Variants in NLN observed in about 807,000 individuals in gnomAD.
NLN encodes neurolysin, also known as neurolysin, mitochondrial.
In NLN, 64 loss-of-function variants were observed where a neutral mutation model predicts 79.9. The observed-to-expected ratio is 0.80, with a 90% CI of 0.65 to 0.99. The LOEUF (loss-of-function observed/expected upper bound fraction) is 0.99. NLN is among the 50% of genes least tolerant of loss of function. The pLI is 0.00. For synonymous variants in NLN, 267 were observed against 296.6 expected, an observed-to-expected ratio of 0.90 and a Z score of 1.02; for missense variants, 835 against 858.7, an observed-to-expected ratio of 0.97 and a Z score of 0.34.
chr5:65,755,193 A>G (rs943518580), intron 1 of NLN, among the ~76,000 whole-genome samples: 2 of 152,196 alleles, frequency 1.3e-5, no homozygotes, highest in African/African-American at 2.4e-5. Flanking sequence ...TAATAATGTA[A>G]TTGAAAAAAA....
intron 9 of NLN, among the ~76,000 whole-genome samples, chr5:65,803,516 G>T (rs1760339377): frequency 6.6e-6 from 1 of 152,176 alleles, no homozygotes; most frequent in Admixed American, 6.5e-5. Context: ...ATGGGTTGGG[G>T]GAGCTTCCGG....
chr5:65,772,271 A>G (rs1342695280), intron 3 of NLN, among the ~76,000 whole-genome samples: 1 of 152,072 alleles, frequency 6.6e-6, no homozygotes, highest in Non-Finnish European at 1.5e-5. Context: ...CCTTCATGTG[A>G]CTTAAAGCTC....
chr5:65,815,664 G>A (rs538712464), intron 12 of NLN, among the ~76,000 whole-genome samples: 2 of 152,078 alleles, frequency 1.3e-5, no homozygotes, highest in East Asian at 3.9e-4. Flanking sequence ...GAATCCCTTG[G>A]CCCCTCACCC....
chr5:65,797,433 A>G (rs1221215248), intron 9 of NLN, among the ~76,000 whole-genome samples: 1 of 152,250 alleles, frequency 6.6e-6, no homozygotes, highest in African/African-American at 2.4e-5. Context: ...TTTGGATTAG[A>G]TTCTGCTGTA....
At position 65,746,292 on chromosome 5, in the gene NLN, G is replaced by C. The variant is rs1758977671; in HGVS notation, c.42-12275G>C. 2.0e-5 allele frequency among the ~76,000 whole-genome samples: 3 copies of C among 152,264 alleles called. No homozygotes were observed. The South Asian group carries it at 6.2e-4, about 32-fold the overall frequency. ...AACAGCCAGAGACATCAAATGAAAA[G>C]AGGAATCATTATCACAAAAGCCCAA... On this transcript the variant is annotated intron_variant, in intron 1 of 12. Transcript: ENST00000380985.
intron 3 of NLN, among the ~76,000 whole-genome samples, chr5:65,770,473 C>T (rs937905108): frequency 6.6e-5 from 10 of 152,140 alleles, no homozygotes; most frequent in Middle Eastern, 3.2e-3. Context: ...TAATAAGTTA[C>T]CATTCTTCAC....
At chr5:65,759,134 T>G (rs1028956224) in intron 2 of NLN, among the ~76,000 whole-genome samples, 7 of 152,128 alleles carry the variant, frequency 4.6e-5, no homozygotes, top group Non-Finnish European at 8.8e-5. Flanking sequence ...ATATGGAAAA[T>G]TCATGTATCA....
intron 8 of NLN, among the ~76,000 whole-genome samples, chr5:65,791,465 G>A (rs1353940519): frequency 1.3e-5 from 2 of 152,184 alleles, no homozygotes; most frequent in South Asian, 2.1e-4. Context: ...GGCTGAGGCA[G>A]GAGAATCATT....
At chr5:65,749,901 G>C (rs1158180632) in intron 1 of NLN, among the ~76,000 whole-genome samples, 1 of 152,170 alleles carries the variant, frequency 6.6e-6, no homozygotes, top group Non-Finnish European at 1.5e-5. Flanking sequence ...CTGCCACACT[G>C]TGCTCTTGAA....
chr5:65,755,582 T>A (rs941665815), intron 1 of NLN, among the ~76,000 whole-genome samples: 73 of 152,250 alleles, frequency 4.8e-4, no homozygotes, highest in Non-Finnish European at 1.8e-4. Context: ...GAAATAAGTT[T>A]TTAAATGTTG....
intron 9 of NLN, among the ~76,000 whole-genome samples, chr5:65,797,524 G>A (rs758750011): frequency 2.2e-4 from 33 of 152,222 alleles, no homozygotes; most frequent in Non-Finnish European, 2.8e-4. Flanking sequence ...TTGTGTATCT[G>A]TGGACCTGGC....
chr5:65,788,004 T>C, intron 7 of NLN, 114 bp from the exon 8 acceptor site: 2 of 1,001,430 alleles, frequency 2.0e-6, no homozygotes, highest in Non-Finnish European at 3.0e-6. Flanking sequence ...CCGCCTTATT[T>C]ATCTGTATTG....
chr5:65,726,221 C>T (rs1244776658), intron 1 of NLN, among the ~76,000 whole-genome samples: 1 of 152,154 alleles, frequency 6.6e-6, no homozygotes, highest in Non-Finnish European at 1.5e-5. Flanking sequence ...TCAGGACAAC[C>T]CTTATACTCA....
intron 3 of NLN, among the ~76,000 whole-genome samples, chr5:65,763,905 A>C (rs978164901): frequency 4.6e-5 from 7 of 152,162 alleles, no homozygotes; most frequent in Non-Finnish European, 1.0e-4. Context: ...TTTTCATCCT[A>C]TAATTGATAA....
In NLN at chr5:65,828,567, A is replaced by G. The variant is rs1350363195; in HGVS notation, c.*5652A>G. ...TTGCTTCAGAAACCAAATGGAAACA[A>G]TTAAATTCCATTAGAGAAACGGTTG... On this transcript the variant is annotated 3_prime_UTR_variant, in exon 13 of 13. Coordinates refer to ENST00000380985, the MANE Select transcript of NLN (RefSeq NM_020726.5). 2.0e-5 allele frequency: 3 copies of G among 152,248 alleles called. No individual in the cohort carries two copies. Among genetic ancestry groups the G allele is most frequent in the Non-Finnish European group, 4.4e-5 (3 of 68,050 alleles). The allele number at this position is 152,248 out of a possible 1,614,324, so 9.4% of individuals were successfully genotyped here. A position where few individuals can be genotyped will look rare whatever the true frequency, so the allele number is the denominator to read the frequency against.
intron 3 of NLN, among the ~76,000 whole-genome samples, chr5:65,773,485 T>C (rs2150753300): frequency 1.3e-5 from 2 of 152,334 alleles, no homozygotes; most frequent in Middle Eastern, 3.4e-3. Context: ...TTAATCTCCA[T>C]AGTTCTTTTA....
At chr5:65,736,458 A>G (rs1758730018) in intron 1 of NLN, among the ~76,000 whole-genome samples, 1 of 152,238 alleles carries the variant, frequency 6.6e-6, no homozygotes, top group Admixed American at 6.5e-5. Context: ...TGTAGGATGT[A>G]CATTCTCAAC....
Position 65,823,120 on chromosome 5 carries a change from TA to T in NLN, c.*206del. 1 of 452,136 alleles carries T rather than the reference TA, an allele frequency of 2.2e-6. No individual in the cohort carries two copies. Among genetic ancestry groups the T allele is most frequent in the East Asian group, 3.6e-5 (1 of 27,996 alleles). 28.0% of individuals were successfully genotyped at this position (452,136 alleles called of 1,614,324 possible). On this transcript the variant is annotated 3_prime_UTR_variant, in exon 13 of 13. Coordinates refer to ENST00000380985, the MANE Select transcript of NLN (RefSeq NM_020726.5). ...GAAAAGACCCACTAGAAAGTAATTG[TA>T]CTATAAAATTTCATAAAACTGGATT...
At chr5:65,772,876 A>G (rs570388449) in intron 3 of NLN, among the ~76,000 whole-genome samples, 1 of 148,418 alleles carries the variant, frequency 6.7e-6, no homozygotes, top group South Asian at 2.1e-4. Context: ...GACTACAGGC[A>G]CACGCCACCA....
Sources: allele counts gnomAD v4.1 joint callset (sites outside exome capture counted in the v4.1 genomes callset), GRCh38; gene constraint gnomAD v4.1.1; transcripts MANE v1.5; gene names NCBI Gene and HGNC (gene_info 2026-07-23, HGNC 2026-07-21).